CNNM4: variants seen among roughly 807,000 people sequenced by gnomAD.
The protein encoded by CNNM4 is cyclin and CBS domain divalent metal cation transport mediator 4.
CNNM4 carries 32 observed loss-of-function variants against 53.7 expected under a neutral mutation model. The ratio of observed to expected loss-of-function variants is 0.60; its 90% CI spans 0.45 to 0.80. The LOEUF is 0.80. CNNM4 is among the 30% of genes least tolerant of loss of function. The pLI, the probability that CNNM4 is intolerant of heterozygous loss-of-function variation, is 0.00. For missense variants in CNNM4, 784 were observed against 1,022.0 expected (o/e 0.77, Z 3.17); for synonymous variants, 410 against 440.0 (o/e 0.93, Z 0.85).
At chr2:96,806,645 T>C (rs1390935048) in intron 5 of CNNM4, among the ~76,000 whole-genome samples, 1 of 152,218 alleles carries the variant, frequency 6.6e-6, no homozygotes, top group Admixed American at 6.5e-5. Context: ...GCTAACTTAG[T>C]AACTTAATAG....
chr2:96,804,592 G>C (rs1236452272), intron 5 of CNNM4, among the ~76,000 whole-genome samples: 1 of 151,944 alleles, frequency 6.6e-6, no homozygotes, highest in Admixed American at 6.6e-5. Context: ...TAGTAGAGAC[G>C]GAGTTTCACC....
Position 96,761,056 on chromosome 2 carries a change from C to A in CNNM4, c.57C>A (p.Leu19=), listed in dbSNP as rs2078755621. The A allele has an allele frequency of 8.0e-7, 1 of 1,251,782 alleles. No homozygotes were observed. The highest frequency in any genetic ancestry group is 1.0e-6 in the Non-Finnish European group (1 of 994,500). 77.5% of individuals were successfully genotyped at this position (1,251,782 alleles called of 1,614,324 possible). The part of the protein sequence containing the change: ...RPVGGPARGR[L]LLAAPVLLVL... ...TCGGCGGACCGGCCCGCGGGCGCCT[C>A]CTCCTGGCGGCGCCGGTGCTGCTGG... Residue 19 remains leucine (L), a synonymous_variant, in exon 1 of 7, where the codon CTC becomes CTA. Coordinates refer to ENST00000377075, the MANE Select transcript of CNNM4 (RefSeq NM_020184.4). The surrounding 1 kb of genome is among the most constrained non-coding windows in gnomAD (Gnocchi z 6.0).
At chr2:96,785,963 T>TATA (rs2079013015) in intron 1 of CNNM4, among the ~76,000 whole-genome samples, 1 of 151,170 alleles carries the variant, frequency 6.6e-6, no homozygotes, top group Non-Finnish European at 1.5e-5. Flanking sequence ...GGCGGGCGCC[T>TATA]ATAGTCTCAG....
At chr2:96,805,418 G>GTTTTTTTTTTTTTT (rs898761608) in intron 5 of CNNM4, among the ~76,000 whole-genome samples, 1,294 of 74,650 alleles carry the variant, frequency 0.017, no homozygotes, top group Middle Eastern at 0.032. Context: ...CTTCTTTTCA[G>GTTTTTTTTTTTTTT]TTTTTTTTTT....
Position 96,797,131 on chromosome 2 carries a change from A to T in CNNM4, c.1522A>T (p.Ile508Phe). The T allele has an allele frequency of 6.2e-7, 1 of 1,614,148 alleles. No homozygotes were observed. The highest frequency in any genetic ancestry group is 8.5e-7 in the Non-Finnish European group (1 of 1,180,026). Residue 508 changes from isoleucine (I) to phenylalanine (F), a missense_variant, in exon 2 of 7, where the codon ATC becomes TTC. Physicochemically the swap from Ile to Phe is conservative, Grantham distance 21. Transcript: ENST00000377075. The surrounding 1 kb of genome is among the most constrained non-coding windows in gnomAD (Gnocchi z 6.0). ...GATCGAGGAGATCATCAAGTCGGAG[A>T]TCCTGGACGAGTCCGACATGTACAG... ...DVIEEIIKSE[I>F]LDESDMYTDN...
chr2:96,801,669 C>T lies in CNNM4; in HGVS notation c.1948+2021C>T, dbSNP rs2079160171. On this transcript the variant is annotated intron_variant, in intron 5 of 6. Coordinates refer to ENST00000377075, the MANE Select transcript of CNNM4 (RefSeq NM_020184.4). The surrounding 1 kb of genome is among the most constrained non-coding windows in gnomAD (Gnocchi z 5.6). The stretch of plus-strand genomic sequence containing the variant: ...CATGCAGAGAGACCACACACACACA[C>T]ACACAGAGACCACACGCAGAGAGAC... Among the ~76,000 whole-genome samples the T allele has an allele frequency of 6.7e-6, 1 of 149,796 alleles. No individual in the cohort carries two copies. Among genetic ancestry groups the T allele is most frequent in the Non-Finnish European group, 1.5e-5 (1 of 67,496 alleles).
chr2:96,802,867 G>A (rs924078448), intron 5 of CNNM4, among the ~76,000 whole-genome samples: 1 of 152,162 alleles, frequency 6.6e-6, no homozygotes, highest in Non-Finnish European at 1.5e-5. Flanking sequence ...GAGGCTTGCT[G>A]GGATTCCCGT....
At chr2:96,796,890 TAAA>T in intron 1 of CNNM4, 119 bp from the exon 2 acceptor site, 12 of 995,244 alleles carry the variant, frequency 1.2e-5, no homozygotes, top group Non-Finnish European at 1.9e-5. Context: ...ATGGAAAAGA[TAAA>T]AACCACCATG....
chr2:96,765,367 C>A (rs1038438057), intron 1 of CNNM4, among the ~76,000 whole-genome samples: 1 of 151,836 alleles, frequency 6.6e-6, no homozygotes. Context: ...CTCAGGTGAT[C>A]CACCCGCCTT....
intron 5 of CNNM4, among the ~76,000 whole-genome samples, chr2:96,802,351 C>T (rs1032428171): frequency 1.1e-4 from 17 of 152,236 alleles, no homozygotes; most frequent in Non-Finnish European, 2.1e-4. Context: ...CAAGAGGAGA[C>T]GCACCCCAGC....
chr2:96,792,794 C>A (rs565525898), intron 1 of CNNM4, among the ~76,000 whole-genome samples: 6 of 151,730 alleles, frequency 4.0e-5, no homozygotes, highest in African/African-American at 1.5e-4. Context: ...CAGAGCAAGA[C>A]TACATCTCAA....
At chr2:96,804,689 C>T (rs2079186949) in intron 5 of CNNM4, among the ~76,000 whole-genome samples, 1 of 152,080 alleles carries the variant, frequency 6.6e-6, no homozygotes, top group Non-Finnish European at 1.5e-5. Flanking sequence ...GCGTGAGCCA[C>T]CGTGCCTGGC....
Position 96,797,768 on chromosome 2 carries a change from A to C in CNNM4, c.1681+121A>C. 7.4e-7 allele frequency: 1 copy of C among 1,349,866 alleles called. No homozygotes were observed. The highest frequency in any genetic ancestry group is 1.2e-5 in the South Asian group (1 of 81,250). The allele number at this position is 1,349,866 out of a possible 1,614,324, so 83.6% of individuals were successfully genotyped here. A position where few individuals can be genotyped will look rare whatever the true frequency, so the allele number is the denominator to read the frequency against. On this transcript the variant is annotated intron_variant, in intron 3 of 6. Transcript: ENST00000377075. The surrounding 1 kb of genome is among the most constrained non-coding windows in gnomAD (Gnocchi z 6.0). ...GCAGCAGGTGAGGGGTGCAGAGACA[A>C]CACAGCCACCCCTGGAAGGGGCCGG...
In CNNM4 at chr2:96,764,026, A is replaced by G. The variant is rs149258265; in HGVS notation, c.1402+1625A>G. Among the ~76,000 whole-genome samples, 52 of 149,110 alleles carry G rather than the reference A, an allele frequency of 3.5e-4. No individual in the cohort carries two copies. In the East Asian group the frequency reaches 9.8e-3, roughly 28 times the overall value. ...GACCTGAAGACTTCTCCTATTGCTT[A>G]GTTGGGAACCTGATTAGGACCCTCC... is the stretch of plus-strand genomic sequence containing the variant. On this transcript the variant is annotated intron_variant, in intron 1 of 6. Coordinates refer to ENST00000377075, the MANE Select transcript of CNNM4 (RefSeq NM_020184.4).
chr2:96,792,326 T>C (rs2079069232), intron 1 of CNNM4, among the ~76,000 whole-genome samples: 2 of 151,846 alleles, frequency 1.3e-5, no homozygotes, highest in Admixed American at 1.3e-4. Context: ...ATATAAGCCC[T>C]AAATTGATCT....
At chr2:96,769,650 TGATGGAGAC>T (rs1225156353) in intron 1 of CNNM4, among the ~76,000 whole-genome samples, 5 of 151,390 alleles carry the variant, frequency 3.3e-5, no homozygotes, top group African/African-American at 9.7e-5. Flanking sequence ...GGCGACTCCT[TGATGGAGAC>T]GAAGAGAACC....
rs952464269 is a variant in CNNM4 at position 96,775,719 on chromosome 2, GTGTTTTGTTTT to G, written c.1402+13336_1402+13346del. On this transcript the variant is annotated intron_variant, in intron 1 of 6. Transcript: ENST00000377075. ...GGTGTGTGCATGGTTGTGTCTCACT[GTGTTTTGTTTT>G]TGTTTTGTTTTTGTTTTTGTTTTGT... Among the ~76,000 whole-genome samples, 107 of 152,086 alleles carry G rather than the reference GTGTTTTGTTTT, an allele frequency of 7.0e-4. 1 individual carries two copies. The highest frequency in any genetic ancestry group is 2.2e-3 in the African/African-American group (90 of 41,524).
intron 1 of CNNM4, among the ~76,000 whole-genome samples, chr2:96,764,770 G>T (rs1480315130): frequency 2.0e-5 from 3 of 152,054 alleles, no homozygotes; most frequent in Admixed American, 6.6e-5. Flanking sequence ...GACAGATCAC[G>T]AGGTCAGGAG....
At chr2:96,778,136 G>A (rs997009789) in intron 1 of CNNM4, among the ~76,000 whole-genome samples, 14 of 151,394 alleles carry the variant, frequency 9.2e-5, no homozygotes, top group Non-Finnish European at 1.9e-4. Flanking sequence ...CAAAGTGCTG[G>A]GATTACAGGT....
Sources: gnomAD v4.1 joint callset for allele counts (sites outside exome capture counted in the v4.1 genomes callset) on GRCh38, gnomAD v4.1.1 for gene constraint, Gnocchi (gnomAD v3.1) non-coding constraint, MANE v1.5 for transcripts, NCBI Gene and HGNC (gene_info 2026-07-23, HGNC 2026-07-21) for gene names.